COL22A1: variants seen among roughly 807,000 people sequenced by gnomAD.
COL22A1 encodes the protein collagen alpha-1(XXII) chain.
COL22A1 carries 221 observed loss-of-function variants against 248.9 expected under a neutral mutation model. The observed-to-expected ratio is 0.89, with a 90% confidence interval of 0.80 to 0.99. COL22A1 has a LOEUF of 0.99. COL22A1 is among the 50% of genes least tolerant of loss of function. COL22A1 has a pLI of 0.00. For missense variants in COL22A1, 2,240 were observed against 2,179.0 expected (o/e 1.03, Z -0.56); for synonymous variants, 891 against 793.4 (o/e 1.12, Z -2.07).
intron 3 of COL22A1, among the ~76,000 whole-genome samples, chr8:138,848,964 G>A (rs1279184271): frequency 6.6e-6 from 1 of 152,190 alleles, no homozygotes; most frequent in Non-Finnish European, 1.5e-5. Flanking sequence ...CCGCTGCTGA[G>A]TGCAGCTAAC....
intron 39 of COL22A1, among the ~76,000 whole-genome samples, chr8:138,683,512 T>C (rs1404833780): frequency 1.3e-5 from 2 of 152,174 alleles, no homozygotes; most frequent in Non-Finnish European, 2.9e-5. Flanking sequence ...GCAGACGACA[T>C]GCCCCAGTCT....
At chr8:138,784,308 A>G (rs770588110) in intron 12 of COL22A1, among the ~76,000 whole-genome samples, 7 of 152,138 alleles carry the variant, frequency 4.6e-5, no homozygotes, top group African/African-American at 7.2e-5. Context: ...GTTCAATGGG[A>G]AGGATAGGGG....
intron 1 of COL22A1, among the ~76,000 whole-genome samples, chr8:138,894,690 C>T (rs1825283120): frequency 6.6e-6 from 1 of 152,126 alleles, no homozygotes; most frequent in Non-Finnish European, 1.5e-5. Context: ...AGTGTTTAGG[C>T]AAGAGTCAGA....
At chr8:138,776,665 C>G (rs535971671) in intron 15 of COL22A1, among the ~76,000 whole-genome samples, 2 of 151,762 alleles carry the variant, frequency 1.3e-5, no homozygotes, top group Non-Finnish European at 2.9e-5. Flanking sequence ...GATCCTCTTA[C>G]CATGCGTCAC....
intron 3 of COL22A1, among the ~76,000 whole-genome samples, chr8:138,855,573 C>A (rs902802901): frequency 2.6e-5 from 4 of 152,200 alleles, no homozygotes; most frequent in Non-Finnish European, 5.9e-5. Flanking sequence ...AACTCCCTGT[C>A]CAAAGCAATC....
chr8:138,828,638 C>G (rs184976785), intron 5 of COL22A1, among the ~76,000 whole-genome samples: 2 of 151,652 alleles, frequency 1.3e-5, no homozygotes, highest in African/African-American at 4.9e-5. Flanking sequence ...TTCTTCCTCA[C>G]GAGAATCTAT....
In COL22A1 at chr8:138,725,448, G is replaced by A; in HGVS notation, c.2140-8C>T. ...AGGGGGTCCTGGAGGGCCCTGTAGAGAAAGAGCATTTGGTGGGCTACAGAT... is the reference window on the plus strand; with the variant it reads ...AGGGGGTCCTGGAGGGCCCTGTAGAAAAAGAGCATTTGGTGGGCTACAGAT... On this transcript the variant is annotated splice_polypyrimidine_tract_variant and splice_region_variant and intron_variant, in intron 23 of 64. Coordinates refer to ENST00000303045, the MANE Select transcript of COL22A1 (RefSeq NM_152888.3). 5 of 1,612,490 alleles carry A rather than the reference G, an allele frequency of 3.1e-6. No homozygotes were observed. Among genetic ancestry groups the A allele is most frequent in the Non-Finnish European group, 4.2e-6 (5 of 1,179,430 alleles).
chr8:138,751,495 T>C lies in COL22A1; in HGVS notation c.2048A>G (p.Glu683Gly). ...PPGARGPIGP[E>G]GRDGPPGLQG... ...CAAACCAGGAGGTCCATCCCTGCCT[T>C]CTGGGCCTATTGGACCCTTTAGGAG... The change falls in exon 22 of 65, where the codon GAA becomes GGA. Residue 683 changes from glutamate to glycine, a missense_variant. Coordinates refer to ENST00000303045, the MANE Select transcript of COL22A1 (RefSeq NM_152888.3). 2 of 1,612,374 alleles carry C rather than the reference T, an allele frequency of 1.2e-6. No homozygotes were observed. The highest frequency in any genetic ancestry group is 1.7e-6 in the Non-Finnish European group (2 of 1,179,022).
chr8:138,721,384 T>G (rs1829858014), intron 26 of COL22A1, among the ~76,000 whole-genome samples: 1 of 152,220 alleles, frequency 6.6e-6, no homozygotes, highest in Admixed American at 6.5e-5. Flanking sequence ...AAAATACTGG[T>G]ATGGTTGTAT....
chr8:138,618,312 A>G (rs1342433284), intron 53 of COL22A1, among the ~76,000 whole-genome samples: 1 of 152,168 alleles, frequency 6.6e-6, no homozygotes, highest in East Asian at 1.9e-4. Flanking sequence ...CTTTGTCCTG[A>G]CTTATTCTAT....
chr8:138,623,650 A>G lies in COL22A1; in HGVS notation c.3771+82T>C, dbSNP rs1820006087. On this transcript the variant is annotated intron_variant, in intron 52 of 64. Transcript: ENST00000303045. ...ATGCCTATCTTCGAGACTGGTTCAA[A>G]ATAGCTCCTCACACAAAGTAGTTGT... The G allele has an allele frequency of 4.4e-5, 55 of 1,255,128 alleles. 1 individual carries two copies. In the South Asian group the frequency reaches 7.3e-4, roughly 17 times the overall value. 77.7% of individuals were successfully genotyped at this position (1,255,128 alleles called of 1,614,324 possible).
At chr8:138,655,789 T>C (rs11166832) in intron 45 of COL22A1, 108 bp downstream of exon 45, 651,152 of 941,658 alleles carry the variant, frequency 0.69, 237,740 homozygotes, top group Non-Finnish European at 0.77. Flanking sequence ...GCTGTTATCG[T>C]TAATACTACC....
chr8:138,762,654 T>A (rs976094170), intron 16 of COL22A1, among the ~76,000 whole-genome samples, 188 bp from the exon 17 acceptor site: 3 of 151,706 alleles, frequency 2.0e-5, no homozygotes, highest in South Asian at 2.1e-4. Context: ...GGAACATAGG[T>A]CTAGGGTCAG....
chr8:138,877,707 C>T (rs747827341), intron 3 of COL22A1, 43 bp downstream of exon 3: 4 of 1,513,328 alleles, frequency 2.6e-6, no homozygotes, highest in East Asian at 4.6e-5. Context: ...CAGCAGGGGG[C>T]GTCACTCTTG....
intron 16 of COL22A1, among the ~76,000 whole-genome samples, chr8:138,769,422 T>C (rs116886443): frequency 0.016 from 2,398 of 152,272 alleles, 65 homozygotes; most frequent in Admixed American, 0.075. Context: ...TGTGGTCTCC[T>C]TGGGAAGGGG....
chr8:138,629,497 C>T lies in COL22A1; in HGVS notation c.3663+1198G>A, dbSNP rs564564993. Among the ~76,000 whole-genome samples, 68 of 152,226 alleles carry T rather than the reference C, an allele frequency of 4.5e-4. 1 individual carries two copies. The highest frequency in any genetic ancestry group is 8.2e-4 in the Non-Finnish European group (56 of 68,016). The stretch of plus-strand genomic sequence containing the variant: ...ATTCATCCTGGGACTTCTAGATGGG[C>T]GGCTTCAAAAGGATTAACCAGATGA... On this transcript the variant is annotated intron_variant, in intron 50 of 64. Coordinates refer to ENST00000303045, the MANE Select transcript of COL22A1 (RefSeq NM_152888.3).
At chr8:138,663,834 G>T in intron 41 of COL22A1, 94 bp from the exon 42 acceptor site, 1 of 987,698 alleles carries the variant, frequency 1.0e-6, no homozygotes, top group Non-Finnish European at 1.6e-6. Flanking sequence ...GTCCTCAGTT[G>T]TCCTAGGAGG....
At chr8:138,705,828 C>T (rs1453825759) in intron 30 of COL22A1, among the ~76,000 whole-genome samples, 1 of 152,162 alleles carries the variant, frequency 6.6e-6, no homozygotes, top group Non-Finnish European at 1.5e-5. Context: ...TTAAAAGACA[C>T]AGACTGGCAA....
At chr8:138,668,323 A>T (rs1824686996) in intron 41 of COL22A1, among the ~76,000 whole-genome samples, 1 of 152,314 alleles carries the variant, frequency 6.6e-6, no homozygotes, top group South Asian at 2.1e-4. Context: ...AGTTGTGGCT[A>T]TATGGGTGTT....
Sources: allele counts gnomAD v4.1 joint callset (sites outside exome capture counted in the v4.1 genomes callset), GRCh38; gene constraint gnomAD v4.1.1; transcripts MANE v1.5; gene names NCBI Gene and HGNC (gene_info 2026-07-23, HGNC 2026-07-21).